The following SHPRH variants were observed in gnomAD, a reference collection of about 807,000 sequenced individuals.
SHPRH encodes E3 ubiquitin-protein ligase SHPRH.
In SHPRH, 106 loss-of-function variants were observed where a neutral mutation model predicts 202.5. The ratio of observed to expected loss-of-function variants is 0.52; its 90% confidence interval spans 0.45 to 0.62. The LOEUF is 0.62. Among genes scored for constraint, SHPRH ranks in the 20% least tolerant of loss-of-function variants. The pLI is 0.00. For missense variants in SHPRH, 1,710 were observed against 2,020.0 expected, an observed-to-expected ratio of 0.85 and a Z score of 2.94; for synonymous variants, 729 against 686.0, an observed-to-expected ratio of 1.06 and a Z score of -0.98.
rs375577663 is a variant in SHPRH at position 145,946,311 on chromosome 6, G to C, written c.1243C>G (p.His415Asp). 1.2e-6 allele frequency: 2 copies of C among 1,606,320 alleles called. No homozygotes were observed. The highest frequency in any genetic ancestry group is 1.7e-6 in the Non-Finnish European group (2 of 1,176,200). The change falls in exon 7 of 30, where the codon CAT (histidine) becomes GAT (aspartate). Residue 415 changes from histidine (H) to aspartate (D), a missense_variant. Transcript: ENST00000275233. ...GKVVNYFIPS[H>D]YFGGKLKKTE... ...TTTTTCAGTTTTCCTCCAAAATAAT[G>C]TGACGGAATAAAATAATTCACCACT... is the stretch of plus-strand genomic sequence containing the variant.
intron 2 of SHPRH, among the ~76,000 whole-genome samples, chr6:145,872,712 C>G (rs1780109879): frequency 6.6e-6 from 1 of 152,186 alleles, no homozygotes; most frequent in African/African-American, 2.4e-5. Context: ...GAATATAAAT[C>G]ATTTTCTTAT....
At chr6:145,953,433 T>A (rs1788186802) in intron 2 of SHPRH, among the ~76,000 whole-genome samples, 2 of 152,138 alleles carry the variant, frequency 1.3e-5, no homozygotes, top group Admixed American at 6.6e-5. Context: ...ATGTGAGTCA[T>A]AAATTGTTAC....
In SHPRH at chr6:145,943,361, G is replaced by A. The variant is rs755593359; in HGVS notation, c.2020C>T (p.Arg674Cys). ...GELDQIDRKP[R>C]VQCLKCHLWQ... ...AGGTGACACTTCAGGCATTGAACAC[G>A]AGGCTTACGATCTATCTGATCAAGT... The change falls in exon 9 of 30, where the codon CGT (arginine) becomes TGT (cysteine). Residue 674 changes from arginine to cysteine, a missense_variant. Physicochemically the swap from Arg to Cys is radical, Grantham distance 180 (BLOSUM62 -3). Transcript: ENST00000275233. The A allele has an allele frequency of 3.1e-6, 5 of 1,613,822 alleles. No individual in the cohort carries two copies. Among genetic ancestry groups the A allele is most frequent in the Admixed American group, 1.7e-5 (1 of 59,942 alleles).
chr6:145,857,904 T>C, the SHPRH span, among the ~76,000 whole-genome samples: 1 of 152,160 alleles, frequency 6.6e-6, no homozygotes, highest in African/African-American at 2.4e-5. Context: ...AAAACGTGTT[T>C]ACAATATTTG....
intron 28 of SHPRH, among the ~76,000 whole-genome samples, chr6:145,892,112 T>C (rs915155579): frequency 1.3e-5 from 2 of 152,106 alleles, no homozygotes; most frequent in Non-Finnish European, 2.9e-5. Flanking sequence ...CATTTCTGAG[T>C]ATGACACAGA....
At chr6:145,869,578 A>G (rs944103208) in intron 2 of SHPRH, among the ~76,000 whole-genome samples, 1 of 152,220 alleles carries the variant, frequency 6.6e-6, no homozygotes, top group Non-Finnish European at 1.5e-5. Flanking sequence ...TTCTTTGAGA[A>G]GACAATCTTT....
chr6:145,942,322 A>C (rs951356727), intron 9 of SHPRH, among the ~76,000 whole-genome samples: 1 of 152,210 alleles, frequency 6.6e-6, no homozygotes, highest in Non-Finnish European at 1.5e-5. Context: ...TGTGCTAAGC[A>C]TTATCTCCAA....
At chr6:145,917,065 T>C (rs1052999796) in intron 23 of SHPRH, 3 of 152,180 alleles carry the variant, frequency 2.0e-5, no homozygotes, top group Admixed American at 6.6e-5. Context: ...GCCTGTGTTA[T>C]CTTCTTAATG....
At chr6:145,872,679 C>T (rs1780108395) in intron 2 of SHPRH, among the ~76,000 whole-genome samples, 2 of 152,142 alleles carry the variant, frequency 1.3e-5, no homozygotes, top group South Asian at 2.1e-4. Context: ...CCAGCAATCT[C>T]ATTACTGGTT....
In SHPRH at chr6:145,921,378, G is replaced by A. The variant is rs2128749268; in HGVS notation, c.3797C>T (p.Thr1266Ile). Reference protein sequence around the residue: ...KLFSNTVKGQTAIFEEMIEDE... With the variant: ...KLFSNTVKGQIAIFEEMIEDE... The stretch of plus-strand genomic sequence containing the variant: ...TTCTATCATCTCCTCAAATATTGCA[G>A]TCTGGCCTTTGACTCTGAAAACATA... Residue 1266 changes from threonine to isoleucine, a missense_variant, in exon 21 of 30, where the codon ACT becomes ATT. This residue lies in a region of SHPRH where 288 missense variants were observed against 317.8 expected (regional missense o/e 0.91). Transcript: ENST00000275233. The A allele has an allele frequency of 6.2e-7, 1 of 1,612,278 alleles. No homozygotes were observed. The highest frequency in any genetic ancestry group is 1.3e-5 in the African/African-American group (1 of 74,906).
At chr6:145,872,111 A>T (rs1562271464) in intron 2 of SHPRH, among the ~76,000 whole-genome samples, 1 of 152,350 alleles carries the variant, frequency 6.6e-6, no homozygotes, top group Non-Finnish European at 1.5e-5. Context: ...AAACCTGGGC[A>T]ATACCATTTA....
intron 18 of SHPRH, 51 bp from the exon 19 acceptor site, chr6:145,922,887 C>T (rs1413336389): frequency 1.4e-6 from 2 of 1,456,350 alleles, no homozygotes; most frequent in Non-Finnish European, 1.8e-6. Context: ...AATAATAGGT[C>T]AATTTCCTCA....
chr6:145,870,916 A>G (rs915291198), intron 2 of SHPRH: 16 of 152,110 alleles, frequency 1.1e-4, no homozygotes, highest in Non-Finnish European at 2.4e-4. Context: ...TGTTCATGTG[A>G]TTTTTCTTCT....
At chr6:145,958,217 A>G (rs895414833) in intron 1 of SHPRH, among the ~76,000 whole-genome samples, 20 of 152,218 alleles carry the variant, frequency 1.3e-4, no homozygotes, top group Non-Finnish European at 1.0e-4. Context: ...GGTGACATAA[A>G]TGTTCAACAC....
intron 9 of SHPRH, 105 bp downstream of exon 9, chr6:145,943,038 C>G: frequency 7.7e-7 from 1 of 1,291,792 alleles, no homozygotes. Flanking sequence ...TTAAATCATT[C>G]AGTTAGTTTT....
downstream of SHPRH, among the ~76,000 whole-genome samples, chr6:145,882,810 A>G (rs2128701773): frequency 6.6e-6 from 1 of 152,344 alleles, no homozygotes; most frequent in South Asian, 2.1e-4. Flanking sequence ...GACCACAGGT[A>G]ATTTCAGTAA....
chr6:145,939,520 TC>T (rs1786505966), intron 11 of SHPRH, among the ~76,000 whole-genome samples: 1 of 152,266 alleles, frequency 6.6e-6, no homozygotes, highest in South Asian at 2.1e-4. Flanking sequence ...AAATTATTGC[TC>T]ATACTCTCTC....
rs762535233 is a variant in SHPRH, at chr6:145,943,565, C to G, written c.1816G>C (p.Asp606His). ...DSQGHCPATS[D>H]SGITDVAMSK... is the part of the protein sequence containing the mutation. ...ATAGCAACATCAGTTATTCCAGAGT[C>G]GCTAGTAGCTGGACAGTGACCTTGT... The change falls in exon 9 of 30, where the codon GAC becomes CAC. Residue 606 changes from aspartate (D) to histidine (H), a missense_variant. Physicochemically the swap from Asp to His is moderately conservative, Grantham distance 81 (BLOSUM62 -1). This residue lies in a region of SHPRH where 348 missense variants were observed against 356.9 expected (regional missense o/e 0.97). Coordinates refer to ENST00000275233, the MANE Select transcript of SHPRH (RefSeq NM_001042683.3). The G allele has an allele frequency of 6.2e-7, 1 of 1,613,898 alleles. No homozygotes were observed. Among genetic ancestry groups the G allele is most frequent in the Non-Finnish European group, 8.5e-7 (1 of 1,179,908 alleles).
chr6:145,899,008 C>G (rs888835946), intron 25 of SHPRH, among the ~76,000 whole-genome samples: 1 of 151,902 alleles, frequency 6.6e-6, no homozygotes, highest in African/African-American at 2.4e-5. Context: ...AAGACAGAGT[C>G]TTATTATGTT....
Sources: gnomAD v4.1 joint callset for allele counts (sites outside exome capture counted in the v4.1 genomes callset) on GRCh38, gnomAD v4.1.1 for gene constraint, gnomAD v4.1.1 regional missense constraint, MANE v1.5 for transcripts, NCBI Gene and HGNC (gene_info 2026-07-23, HGNC 2026-07-21) for gene names.